The following SGIP1 variants were observed in gnomAD, a reference collection of about 807,000 sequenced individuals.
SGIP1 encodes SH3GL interacting endocytic adaptor 1, also known as SH3-containing GRB2-like protein 3-interacting protein 1.
A neutral mutation model predicts 107.5 loss-of-function variants in SGIP1; 38 were observed. The observed-to-expected ratio is 0.35, with a 90% CI of 0.27 to 0.46. The LOEUF (loss-of-function observed/expected upper bound fraction) is 0.46. SGIP1 is among the 20% of genes least tolerant of loss of function. The pLI is 1.00. For synonymous variants in SGIP1, 365 were observed against 366.1 expected (o/e 1.00, Z 0.03); for missense variants, 929 against 1,019.5 (o/e 0.91, Z 1.21).
intron 1 of SGIP1, among the ~76,000 whole-genome samples, chr1:66,591,782 T>A (rs1237375107): frequency 1.3e-5 from 2 of 152,206 alleles, no homozygotes; most frequent in Non-Finnish European, 2.9e-5. Context: ...GAGGGTGATG[T>A]GGCAGGACTA....
At chr1:66,592,038 C>T (rs1298993685) in intron 1 of SGIP1, among the ~76,000 whole-genome samples, 2 of 152,208 alleles carry the variant, frequency 1.3e-5, no homozygotes, top group Admixed American at 1.3e-4. Context: ...CCAAGACATT[C>T]CATTCCCAAG....
At chr1:66,554,884 T>C (rs538571862) in intron 1 of SGIP1, among the ~76,000 whole-genome samples, 37 of 152,288 alleles carry the variant, frequency 2.4e-4, no homozygotes, top group Non-Finnish European at 4.9e-4. Flanking sequence ...AAGGCACTCA[T>C]CTATACAATG....
chr1:66,698,494 A>T (rs6686476), intron 18 of SGIP1, among the ~76,000 whole-genome samples: 67,359 of 150,564 alleles, frequency 0.45, 15,525 homozygotes, highest in East Asian at 0.72. Context: ...TTTTCCTACC[A>T]CAGCCTCCCG....
rs80158799 is a variant in SGIP1 at position 66,670,396 on chromosome 1, G to T, written c.484-599G>T. Among the ~76,000 whole-genome samples, 1,296 of 152,284 alleles carry T rather than the reference G, an allele frequency of 8.5e-3. 16 individuals carry two copies. Among genetic ancestry groups the T allele is most frequent in the African/African-American group, 0.03 (1,244 of 41,556 alleles). On this transcript the variant is annotated intron_variant, in intron 9 of 24. Coordinates refer to ENST00000371037, the MANE Select transcript of SGIP1 (RefSeq NM_032291.4). ...TTACTTCCAATTCATGAATTGATGG[G>T]CCTAGTGGCAGGCAAGTGAAATAAA...
chr1:66,682,749 A>G (rs544604907), intron 15 of SGIP1, among the ~76,000 whole-genome samples: 72 of 151,248 alleles, frequency 4.8e-4, no homozygotes, highest in African/African-American at 1.6e-3. Flanking sequence ...TGCCCCCACA[A>G]GGACACTAGG....
At chr1:66,589,198 A>ATGTGTGTG (rs1557990031) in intron 1 of SGIP1, among the ~76,000 whole-genome samples, 1 of 60,124 alleles carries the variant, frequency 1.7e-5, no homozygotes, top group Non-Finnish European at 3.2e-5. Context: ...ATATATATAT[A>ATGTGTGTG]TATATATATA....
chr1:66,707,078 G>T (rs1336132268), intron 18 of SGIP1, among the ~76,000 whole-genome samples: 2 of 151,674 alleles, frequency 1.3e-5, no homozygotes, highest in East Asian at 1.9e-4. Context: ...CTGTCTGCAT[G>T]TATCTACACA....
intron 1 of SGIP1, among the ~76,000 whole-genome samples, chr1:66,572,477 T>C (rs2148621795): frequency 6.6e-6 from 1 of 152,186 alleles, no homozygotes; most frequent in East Asian, 1.9e-4. Flanking sequence ...ATATTCAGTT[T>C]AGTTCCTTGG....
intron 1 of SGIP1, among the ~76,000 whole-genome samples, chr1:66,537,347 G>C (rs962950033): frequency 2.0e-5 from 3 of 152,130 alleles, no homozygotes; most frequent in African/African-American, 7.2e-5. Flanking sequence ...TAACTATGGA[G>C]TGTACATATT....
intron 15 of SGIP1, among the ~76,000 whole-genome samples, chr1:66,688,693 T>C (rs910823625): frequency 6.6e-6 from 1 of 152,202 alleles, no homozygotes; most frequent in Non-Finnish European, 1.5e-5. Context: ...CTTAACCACA[T>C]TTAAAGAAGA....
intron 19 of SGIP1, among the ~76,000 whole-genome samples, chr1:66,721,105 C>T (rs1051383064): frequency 3.9e-5 from 6 of 152,150 alleles, no homozygotes; most frequent in African/African-American, 9.7e-5. Flanking sequence ...GGATTTTCCA[C>T]GTCTTTTCTC....
In SGIP1 at chr1:66,682,082, C is replaced by T. The variant is rs1378347635; in HGVS notation, c.1028C>T (p.Pro343Leu). ...TCCCCACCAGCTACACCAGACAACCCAGCTGACTCCCCAGCTCCAGGCCCT... is the reference window on the plus strand; with the variant it reads ...TCCCCACCAGCTACACCAGACAACCTAGCTGACTCCCCAGCTCCAGGCCCT... ...VVSPPATPDNPADSPAPGPLG... is the reference protein window; with the variant it reads ...VVSPPATPDNLADSPAPGPLG... Residue 343 changes from proline (P) to leucine (L), a missense_variant, in exon 15 of 25, where the codon CCA becomes CTA. Pro to Leu is a moderately conservative substitution (Grantham distance 98). Around this residue, in one of 2 missense-constraint regions of SGIP1, gnomAD observed 588 missense variants for 588.6 expected, o/e 1.00. Transcript: ENST00000371037. 6.2e-7 allele frequency: 1 copy of T among 1,614,102 alleles called. No homozygotes were observed. The highest frequency in any genetic ancestry group is 1.7e-5 in the Admixed American group (1 of 60,004).
intron 14 of SGIP1, among the ~76,000 whole-genome samples, chr1:66,681,625 C>A (rs1196253502): frequency 6.6e-6 from 1 of 152,168 alleles, no homozygotes; most frequent in Non-Finnish European, 1.5e-5. Context: ...GTCAAAGTAG[C>A]TAGCTGTGCT....
intron 1 of SGIP1, among the ~76,000 whole-genome samples, chr1:66,601,361 T>A (rs2065786512): frequency 6.6e-6 from 1 of 151,690 alleles, no homozygotes; most frequent in Non-Finnish European, 1.5e-5. Context: ...AGAGACTCCG[T>A]CCCAAACACA....
At position 66,747,608 on chromosome 1, in the gene SGIP1, A is replaced by G. The variant is rs956215861; in HGVS notation, c.*4513A>G. The G allele has an allele frequency of 2.0e-5, 3 of 152,048 alleles. No homozygotes were observed. The highest frequency in any genetic ancestry group is 4.4e-5 in the Non-Finnish European group (3 of 67,892). The allele number at this position is 152,048 out of a possible 1,614,324, so 9.4% of individuals were successfully genotyped here. On this transcript the variant is annotated 3_prime_UTR_variant, in exon 25 of 25. Coordinates refer to ENST00000371037, the MANE Select transcript of SGIP1 (RefSeq NM_032291.4). ...CTTTGCAAGGGACATTCAGATCTCT[A>G]ACTTGTGAGTTGAACCTATTTATTT...
At chr1:66,708,280 G>A (rs928393560) in intron 18 of SGIP1, among the ~76,000 whole-genome samples, 19 of 152,132 alleles carry the variant, frequency 1.2e-4, no homozygotes, top group African/African-American at 3.9e-4. Context: ...AGCGGCCATC[G>A]TATACAAGTG....
intron 7 of SGIP1, among the ~76,000 whole-genome samples, chr1:66,653,015 C>T (rs1435982942): frequency 6.6e-6 from 1 of 152,096 alleles, no homozygotes; most frequent in Non-Finnish European, 1.5e-5. Context: ...TATAAACTGC[C>T]ACTCCATCCC....
chr1:66,745,976 T>C lies in SGIP1; in HGVS notation c.*2881T>C, dbSNP rs933482088. The C allele has an allele frequency of 4.6e-5, 7 of 152,146 alleles. No individual in the cohort carries two copies. Among genetic ancestry groups the C allele is most frequent in the Non-Finnish European group, 2.9e-5 (2 of 67,990 alleles). The allele number at this position is 152,146 out of a possible 1,614,324, so 9.4% of individuals were successfully genotyped here. ...CCACAGCCAAAATGGAAATTCACTG[T>C]ATGGTATTTGGGAATATATTTCACC... On this transcript the variant is annotated 3_prime_UTR_variant, in exon 25 of 25. Transcript: ENST00000371037.
chr1:66,651,378 C>T (rs2078709952), intron 7 of SGIP1, among the ~76,000 whole-genome samples: 1 of 152,162 alleles, frequency 6.6e-6, no homozygotes, highest in South Asian at 2.1e-4. Flanking sequence ...CTCGAAGCAT[C>T]ACAGCTAGTA....
Sources: gnomAD v4.1 joint callset for allele counts (sites outside exome capture counted in the v4.1 genomes callset) on GRCh38, gnomAD v4.1.1 for gene constraint, gnomAD v4.1.1 regional missense constraint, MANE v1.5 for transcripts, NCBI Gene and HGNC (gene_info 2026-07-23, HGNC 2026-07-21) for gene names.